The following CACNA1C variants were observed in gnomAD, a reference collection of about 807,000 sequenced individuals.
CACNA1C encodes voltage-dependent L-type calcium channel subunit alpha-1C.
A neutral mutation model predicts 229.0 loss-of-function variants in CACNA1C; 30 were observed. The ratio of observed to expected loss-of-function variants is 0.13; its 90% CI spans 0.10 to 0.18. The LOEUF is 0.18. Among genes scored for constraint, CACNA1C ranks in the 10% least tolerant of loss-of-function variants. The pLI, the probability that CACNA1C is intolerant of heterozygous loss-of-function variation, is 1.00. For synonymous variants in CACNA1C, 1,114 were observed against 1,132.5 expected (o/e 0.98, Z 0.33); for missense variants, 1,658 against 2,845.0 (o/e 0.58, Z 9.49).
intron 3 of CACNA1C, among the ~76,000 whole-genome samples, chr12:2,273,994 T>G (rs1264112429): frequency 6.6e-6 from 1 of 152,218 alleles, no homozygotes; most frequent in African/African-American, 2.4e-5. Context: ...AGGCAGGGCT[T>G]GTTCACCTGC....
At chr12:2,317,755 T>C (rs1323816403) in intron 3 of CACNA1C, among the ~76,000 whole-genome samples, 2 of 152,210 alleles carry the variant, frequency 1.3e-5, no homozygotes, top group African/African-American at 4.8e-5. Context: ...CTCCAAGCAC[T>C]GTGGCCCTGC....
rs1380446289 is a variant in CACNA1C at position 2,649,686 on chromosome 12, TTTG to T, written c.3945+1182_3945+1184del. ...TGGTGTTTGGCGTTTTTTGGGTTTT[TTTG>T]TTTGTTTATTTTGTTTTTTTAACTG... is the stretch of plus-strand genomic sequence containing the variant. On this transcript the variant is annotated intron_variant, in intron 31 of 46. Transcript: ENST00000399655. This position sits in a 1 kb window ranked among gnomAD's most constrained non-coding sequence, Gnocchi z 4.4. 8.2e-5 allele frequency among the ~76,000 whole-genome samples: 7 copies of T among 85,372 alleles called. No individual in the cohort carries two copies. Among genetic ancestry groups the T allele is most frequent in the South Asian group, 7.8e-4 (2 of 2,556 alleles). The allele number at this position is 85,372 out of a possible 152,430, so 56.0% of individuals were successfully genotyped here.
chr12:2,198,478 A>G (rs886696084), intron 3 of CACNA1C, among the ~76,000 whole-genome samples: 2 of 152,150 alleles, frequency 1.3e-5, no homozygotes, highest in African/African-American at 4.8e-5. Flanking sequence ...TAGGCACTGC[A>G]CCTATATGGG....
intron 30 of CACNA1C, among the ~76,000 whole-genome samples, chr12:2,638,149 G>A (rs1276183759): frequency 6.6e-6 from 1 of 152,318 alleles, no homozygotes; most frequent in Non-Finnish European, 1.5e-5. Context: ...ATGCAATGAG[G>A]ACAGAAAATA....
At chr12:2,389,968 G>A (rs2098456404) in intron 3 of CACNA1C, among the ~76,000 whole-genome samples, 1 of 152,186 alleles carries the variant, frequency 6.6e-6, no homozygotes, top group Admixed American at 6.5e-5. Flanking sequence ...CTCCCAGGCT[G>A]AGGAAATTAA....
At position 2,581,716 on chromosome 12, in the gene CACNA1C, A is replaced by G. The variant is rs765301620; in HGVS notation, c.2022A>G (p.Gly674=). 12 of 1,613,288 alleles carry G rather than the reference A, an allele frequency of 7.4e-6. No individual in the cohort carries two copies. Among genetic ancestry groups the G allele is most frequent in the African/African-American group, 2.7e-5 (2 of 74,764 alleles). Residue 674 remains glycine (G), a synonymous_variant, in exon 14 of 47, where the codon GGA becomes GGG. Coordinates refer to ENST00000399655, the MANE Select transcript of CACNA1C (RefSeq NM_000719.7). ...CCCTCCTGGGGATGCAGCTCTTTGG[A>G]GGAAAGTTCAACTTTGATGAGATGC... ...IFSLLGMQLF[G]GKFNFDEMQT...
At chr12:2,523,470 G>A (rs868865716) in intron 9 of CACNA1C, among the ~76,000 whole-genome samples, 2 of 152,134 alleles carry the variant, frequency 1.3e-5, no homozygotes, top group African/African-American at 4.8e-5. Context: ...GCCTTGGCAA[G>A]TACGGTGTGA....
At chr12:1,982,793 G>A (rs2036535109) in intron 1 of CACNA1C, among the ~76,000 whole-genome samples, 1 of 152,038 alleles carries the variant, frequency 6.6e-6, no homozygotes, top group South Asian at 2.1e-4. Flanking sequence ...GGATAATGCT[G>A]CCCTCATAAA....
At chr12:2,311,592 CTG>C (rs2095439595) in intron 3 of CACNA1C, among the ~76,000 whole-genome samples, 2 of 152,206 alleles carry the variant, frequency 1.3e-5, no homozygotes, top group Admixed American at 6.5e-5. Context: ...AGAAGCCTAA[CTG>C]GGCATCACGG....
chr12:2,289,486 A>G (rs1229302916), intron 3 of CACNA1C, among the ~76,000 whole-genome samples: 2 of 152,142 alleles, frequency 1.3e-5, no homozygotes, highest in African/African-American at 4.8e-5. Flanking sequence ...AGTCTATTAA[A>G]TGTGTGCTTG....
intron 1 of CACNA1C, among the ~76,000 whole-genome samples, chr12:2,047,381 A>G (rs1056925311): frequency 6.6e-6 from 1 of 152,176 alleles, no homozygotes; most frequent in South Asian, 2.1e-4. Flanking sequence ...CAACCACCCT[A>G]TGGAGGTAGG....
chr12:2,154,847 C>T (rs573032119), intron 3 of CACNA1C, among the ~76,000 whole-genome samples: 12 of 152,256 alleles, frequency 7.9e-5, no homozygotes, highest in South Asian at 2.1e-4. Flanking sequence ...AGAAGCTCCC[C>T]GCAGGACAGT....
intron 9 of CACNA1C, among the ~76,000 whole-genome samples, chr12:2,515,612 C>T (rs533922825): frequency 2.0e-4 from 31 of 152,276 alleles, no homozygotes; most frequent in African/African-American, 4.3e-4. Flanking sequence ...GTGGTGACTC[C>T]GCTTCTCCCC....
chr12:2,261,741 T>C (rs893956157), intron 3 of CACNA1C, among the ~76,000 whole-genome samples: 1 of 151,640 alleles, frequency 6.6e-6, no homozygotes, highest in African/African-American at 2.4e-5. Flanking sequence ...AGGGTCCTTG[T>C]GCAACACACA....
At chr12:2,212,304 G>C (rs1319201675) in intron 3 of CACNA1C, among the ~76,000 whole-genome samples, 4 of 152,158 alleles carry the variant, frequency 2.6e-5, no homozygotes, top group Non-Finnish European at 5.9e-5. Context: ...GTGGTTGCAA[G>C]GAAAGAAACC....
Position 2,384,362 on chromosome 12 carries a change from T to A in CACNA1C, c.478-64614T>A, listed in dbSNP as rs564699973. Among the ~76,000 whole-genome samples the A allele has an allele frequency of 9.8e-5, 15 of 152,320 alleles. No homozygotes were observed. In the South Asian group the frequency reaches 3.1e-3, roughly 32 times the overall value. On this transcript the variant is annotated intron_variant, in intron 3 of 46. Coordinates refer to ENST00000399655, the MANE Select transcript of CACNA1C (RefSeq NM_000719.7). ...TTGTTCTTTCTGACCCTAATCACCT[T>A]ATGTTGTTGGATCTTACTCCAAGTT...
chr12:2,269,439 T>C (rs2083835467), intron 3 of CACNA1C, among the ~76,000 whole-genome samples: 1 of 152,188 alleles, frequency 6.6e-6, no homozygotes, highest in Non-Finnish European at 1.5e-5. Context: ...TCTGAGCCCC[T>C]GGGTTCTGGA....
rs2153662262 is a variant in CACNA1C at position 2,653,321 on chromosome 12, G to A, written c.4075-514G>A. On this transcript the variant is annotated intron_variant, in intron 32 of 46. Coordinates refer to ENST00000399655, the MANE Select transcript of CACNA1C (RefSeq NM_000719.7). The surrounding 1 kb of genome is among the most constrained non-coding windows in gnomAD (Gnocchi z 4.7). ...GCCCCAACCCTCACAGATAGAAAGT[G>A]GCAGAAACAGGATTTGAACCCATGA... is the stretch of plus-strand genomic sequence containing the variant. Among the ~76,000 whole-genome samples, 1 of 152,316 alleles carries A rather than the reference G, an allele frequency of 6.6e-6. No homozygotes were observed. Among genetic ancestry groups the A allele is most frequent in the South Asian group, 2.1e-4 (1 of 4,826 alleles).
At chr12:2,609,016 G>C (rs1158465791) in intron 27 of CACNA1C, among the ~76,000 whole-genome samples, 1 of 152,232 alleles carries the variant, frequency 6.6e-6, no homozygotes. Context: ...TAACAAGTTA[G>C]AGGGACCCAA....
Sources: allele counts gnomAD v4.1 joint callset (sites outside exome capture counted in the v4.1 genomes callset), GRCh38; gene constraint gnomAD v4.1.1; non-coding constraint Gnocchi (gnomAD v3.1); transcripts MANE v1.5; gene names NCBI Gene and HGNC (gene_info 2026-07-23, HGNC 2026-07-21).